Variants in PRH1 observed in about 807,000 individuals in gnomAD.
PRH1 encodes the protein salivary acidic proline-rich phosphoprotein 1/2.
PRH1 carries 7 observed loss-of-function variants against 7.9 expected under a neutral mutation model. That is an observed-to-expected ratio of 0.89 (90% CI 0.50 to 1.67). PRH1 has a LOEUF of 1.67. PRH1 is among the 40% of genes most tolerant of loss of function. The pLI, the probability that PRH1 is intolerant of heterozygous loss-of-function variation, is 0.00. For missense variants in PRH1, 109 were observed against 223.6 expected, an observed-to-expected ratio of 0.49 and a Z score of 3.27; for synonymous variants, 45 against 80.8, an observed-to-expected ratio of 0.56 and a Z score of 2.38.
chr12:11,091,492 C>A lies in PRH1; in HGVS notation n.124-44304G>T, dbSNP rs199768488. 12 of 1,283,664 alleles carry A rather than the reference C, an allele frequency of 9.3e-6. 1 individual carries two copies. The African/African-American group carries it at 1.9e-4, about 21-fold the overall frequency. The allele number at this position is 1,283,664 out of a possible 1,614,324, so 79.5% of individuals were successfully genotyped here. A position where few individuals can be genotyped will look rare whatever the true frequency, so the allele number is the denominator to read the frequency against. ...GACTTCCAAAACTCCAAACTGATATCATTATGGACAGAAAGTAAATGGCAC... is the reference window on the plus strand; with the variant it reads ...GACTTCCAAAACTCCAAACTGATATAATTATGGACAGAAAGTAAATGGCAC... On this transcript the variant is annotated intron_variant and non_coding_transcript_variant, in intron 1 of 4. Transcript: ENST00000541977.
chr12:11,067,201 A>T (rs1943860417), intron 1 of PRH1, among the ~76,000 whole-genome samples: 1 of 152,088 alleles, frequency 6.6e-6, no homozygotes, highest in African/African-American at 2.4e-5. Flanking sequence ...CCTTTCTATG[A>T]TTTTTTTCTC....
chr12:10,977,449 C>T (rs1939158595), intron 1 of PRH1, among the ~76,000 whole-genome samples: 1 of 152,054 alleles, frequency 6.6e-6, no homozygotes, highest in Admixed American at 6.6e-5. Context: ...ACAAACAAAG[C>T]CACATCATAC....
At chr12:10,919,640 C>T (rs146942970) in intron 2 of PRH1, among the ~76,000 whole-genome samples, 1 of 151,514 alleles carries the variant, frequency 6.6e-6, no homozygotes, top group East Asian at 1.9e-4. Context: ...TATTAAATGA[C>T]AGAGGTCTCA....
intron 2 of PRH1, among the ~76,000 whole-genome samples, chr12:10,920,017 A>T (rs1421092929): frequency 6.7e-6 from 1 of 148,992 alleles, no homozygotes; most frequent in Admixed American, 6.8e-5. Context: ...CTCCTGTTTG[A>T]TTCTCTGTGT....
chr12:10,956,918 T>C (rs1218155599), intron 2 of PRH1, among the ~76,000 whole-genome samples: 3 of 151,846 alleles, frequency 2.0e-5, no homozygotes, highest in South Asian at 2.1e-4. Flanking sequence ...CAATAAGACA[T>C]GGACAAACGG....
At chr12:11,089,614 T>TC (rs1194757295) in intron 1 of PRH1, among the ~76,000 whole-genome samples, 13,262 of 73,830 alleles carry the variant, frequency 0.18, 861 homozygotes, top group Non-Finnish European at 0.25. Context: ...GTTAGCACTT[T>TC]AATAACAGGT....
At chr12:11,050,578 T>C (rs908763538), upstream of PRH1, among the ~76,000 whole-genome samples, 3 of 152,246 alleles carry the variant, frequency 2.0e-5, no homozygotes, top group Non-Finnish European at 2.9e-5. Flanking sequence ...TGGGGGCCTG[T>C]GCCCAACATA....
At chr12:11,018,885 T>A (rs1941434838) in intron 1 of PRH1, among the ~76,000 whole-genome samples, 1 of 152,234 alleles carries the variant, frequency 6.6e-6, no homozygotes, top group South Asian at 2.1e-4. Flanking sequence ...CATAGTTAGA[T>A]GAACTCGCCC....
chr12:11,116,160 GA>G (rs1468011727), downstream of PRH1, among the ~76,000 whole-genome samples: 2 of 151,730 alleles, frequency 1.3e-5, no homozygotes, highest in African/African-American at 2.4e-5. Flanking sequence ...GGCCGACCAA[GA>G]AAAAAAGATC....
intron 1 of PRH1, among the ~76,000 whole-genome samples, chr12:10,994,438 C>T (rs1426609260): frequency 6.6e-6 from 1 of 152,200 alleles, no homozygotes; most frequent in African/African-American, 2.4e-5. Flanking sequence ...TGAAAAAGTC[C>T]TGGGAGCCAA....
At chr12:11,106,607 T>A (rs961395101) in intron 1 of PRH1, among the ~76,000 whole-genome samples, 1 of 152,254 alleles carries the variant, frequency 6.6e-6, no homozygotes, top group Admixed American at 6.5e-5. Context: ...TTGGTTTTAT[T>A]TTTCTCTATT....
intron 1 of PRH1, among the ~76,000 whole-genome samples, chr12:11,115,162 C>T (rs1945696115): frequency 6.6e-6 from 1 of 152,088 alleles, no homozygotes; most frequent in South Asian, 2.1e-4. Context: ...CTAAGAAACA[C>T]ACTTTGTCTA....
chr12:11,109,346 G>A lies in PRH1; in HGVS notation n.123+62076C>T, dbSNP rs566248802. Among the ~76,000 whole-genome samples the A allele has an allele frequency of 3.3e-5, 5 of 152,296 alleles. No individual in the cohort carries two copies. In the South Asian group the frequency reaches 1.0e-3, roughly 32 times the overall value. The stretch of plus-strand genomic sequence containing the variant: ...AAGGACAGAGTGCCTCCTTAAGTGG[G>A]TCCCTGACCTCTGTGCCTCCTTACT... On this transcript the variant is annotated intron_variant and non_coding_transcript_variant, in intron 1 of 4. Transcript: ENST00000541977.
intron 1 of PRH1, among the ~76,000 whole-genome samples, chr12:11,145,707 A>G (rs1192692711): frequency 6.6e-6 from 1 of 152,220 alleles, no homozygotes; most frequent in Non-Finnish European, 1.5e-5. Flanking sequence ...AAAAACAAAC[A>G]AAAAGGTTAA....
chr12:11,142,220 C>T (rs746920105), intron 1 of PRH1, among the ~76,000 whole-genome samples: 4 of 152,152 alleles, frequency 2.6e-5, no homozygotes, highest in South Asian at 2.1e-4. Flanking sequence ...GTACAAGCAA[C>T]GATGACCAGC....
chr12:11,030,085 TATAAAATAC>T (rs1455629527), intron 1 of PRH1, among the ~76,000 whole-genome samples: 7 of 24,528 alleles, frequency 2.9e-4, no homozygotes, highest in Non-Finnish European at 7.6e-4. Context: ...ACAAATGAAA[TATAAAATAC>T]ATGAATGAAA....
intron 1 of PRH1, among the ~76,000 whole-genome samples, chr12:11,164,726 T>C (rs1331882040): frequency 6.9e-6 from 1 of 144,288 alleles, no homozygotes; most frequent in Non-Finnish European, 1.5e-5. Flanking sequence ...TTCTACCTAA[T>C]GTGGTCTGAG....
chr12:11,063,760 A>G (rs374749624), intron 1 of PRH1, among the ~76,000 whole-genome samples: 12 of 152,200 alleles, frequency 7.9e-5, no homozygotes, highest in African/African-American at 2.9e-4. Context: ...GTCGATAATT[A>G]AGGCTAGAAG....
At chr12:11,130,184 C>A (rs1946289918) in intron 1 of PRH1, among the ~76,000 whole-genome samples, 2 of 152,136 alleles carry the variant, frequency 1.3e-5, no homozygotes, top group South Asian at 4.1e-4. Flanking sequence ...TTAGTTGGTA[C>A]AATAATCAGG....
Sources: gnomAD v4.1 joint callset for allele counts (sites outside exome capture counted in the v4.1 genomes callset) on GRCh38, gnomAD v4.1.1 for gene constraint, MANE v1.5 for transcripts, NCBI Gene and HGNC (gene_info 2026-07-23, HGNC 2026-07-21) for gene names.